The following TPST1 variants were observed in gnomAD, a reference collection of about 807,000 sequenced individuals.
TPST1 encodes tyrosylprotein sulfotransferase 1, also known as protein-tyrosine sulfotransferase 1.
A neutral mutation model predicts 34.8 loss-of-function variants in TPST1; 20 were observed. The observed-to-expected ratio is 0.57, with a 90% CI of 0.40 to 0.84. TPST1 has a LOEUF of 0.84. TPST1 is among the 40% of genes least tolerant of loss of function. TPST1 has a pLI of 0.00. For missense variants in TPST1, 353 were observed against 455.5 expected, an observed-to-expected ratio of 0.78 and a Z score of 2.05; for synonymous variants, 152 against 159.4, an observed-to-expected ratio of 0.95 and a Z score of 0.35.
At chr7:66,337,673 A>G (rs921921943) in intron 3 of TPST1, among the ~76,000 whole-genome samples, 1 of 152,244 alleles carries the variant, frequency 6.6e-6, no homozygotes, top group African/African-American at 2.4e-5. Flanking sequence ...TTTAAGCAAT[A>G]AAAAGATTAA....
intron 3 of TPST1, among the ~76,000 whole-genome samples, chr7:66,303,418 A>ATGTATGTATGTATGTATGT (rs1217502824): frequency 7.5e-5 from 2 of 26,506 alleles, no homozygotes; most frequent in Admixed American, 3.2e-4. Context: ...TGTATGTATT[A>ATGTATGTATGTATGTATGT]ATTTATTTTG....
intron 1 of TPST1, among the ~76,000 whole-genome samples, 191 bp from the exon 2 acceptor site, chr7:66,240,134 G>A (rs567935531): frequency 6.4e-4 from 97 of 152,010 alleles, no homozygotes; most frequent in African/African-American, 2.1e-3. Flanking sequence ...TGATCCGCCC[G>A]CCTCGGCCTC....
Position 66,307,353 on chromosome 7 carries a change from C to T in TPST1, c.1044+20644C>T, listed in dbSNP as rs549832476. ...CAGGATGGTCTCGATCTCTTGACTT[C>T]GTGATCCGCCCGCCTCGGCCTCCCA... On this transcript the variant is annotated intron_variant, in intron 3 of 5. Transcript: ENST00000304842. 2.7e-5 allele frequency among the ~76,000 whole-genome samples: 4 copies of T among 150,842 alleles called. No homozygotes were observed. The South Asian group carries it at 6.3e-4, about 24-fold the overall frequency.
intron 3 of TPST1, among the ~76,000 whole-genome samples, chr7:66,318,592 G>T (rs540729065): frequency 1.3e-5 from 2 of 151,800 alleles, no homozygotes; most frequent in African/African-American, 4.8e-5. Flanking sequence ...TCAGCCTCCC[G>T]AGTAGCTCCT....
At chr7:66,263,791 C>T (rs930995936) in intron 2 of TPST1, among the ~76,000 whole-genome samples, 4 of 152,092 alleles carry the variant, frequency 2.6e-5, no homozygotes, top group Non-Finnish European at 5.9e-5. Flanking sequence ...TCAGCAAAAG[C>T]GGCACAGTAA....
chr7:66,225,336 G>A (rs1584148445), intron 1 of TPST1, among the ~76,000 whole-genome samples: 1 of 152,230 alleles, frequency 6.6e-6, no homozygotes, highest in Middle Eastern at 3.4e-3. Flanking sequence ...AGAGGGCCTG[G>A]CACAGTGGCT....
chr7:66,215,087 T>C lies in TPST1; in HGVS notation c.-102+9565T>C, dbSNP rs540341086. ...TATATGTTTTTTGAGATGGAGTCTCTCTCTGTCACCAGGTTGGAGTGCAGT... is the reference window on the plus strand; with the variant it reads ...TATATGTTTTTTGAGATGGAGTCTCCCTCTGTCACCAGGTTGGAGTGCAGT... On this transcript the variant is annotated intron_variant, in intron 1 of 5. Coordinates refer to ENST00000304842, the MANE Select transcript of TPST1 (RefSeq NM_003596.4). Among the ~76,000 whole-genome samples the C allele has an allele frequency of 6.0e-3, 885 of 148,248 alleles. 10 individuals carry two copies. The highest frequency in any genetic ancestry group is 0.02 in the African/African-American group (826 of 40,820).
Position 66,310,035 on chromosome 7 carries a change from G to C in TPST1, c.1044+23326G>C, listed in dbSNP as rs547119857. On this transcript the variant is annotated intron_variant, in intron 3 of 5. Coordinates refer to ENST00000304842, the MANE Select transcript of TPST1 (RefSeq NM_003596.4). ...AAAACAGGTTATGGGAGGAAGAGAA[G>C]ACCACCTTTGCCTGGCTAGCAAAGG... Among the ~76,000 whole-genome samples the C allele has an allele frequency of 4.6e-5, 7 of 152,278 alleles. No individual in the cohort carries two copies. The East Asian group carries it at 1.4e-3, about 29-fold the overall frequency.
At chr7:66,218,692 A>C (rs1433502674) in intron 1 of TPST1, among the ~76,000 whole-genome samples, 1 of 152,030 alleles carries the variant, frequency 6.6e-6, no homozygotes, top group African/African-American at 2.4e-5. Flanking sequence ...TAAAAATGCA[A>C]AAACGTTAGC....
chr7:66,356,325 G>C (rs915551709), intron 4 of TPST1, among the ~76,000 whole-genome samples: 1 of 152,164 alleles, frequency 6.6e-6, no homozygotes, highest in South Asian at 2.1e-4. Context: ...AGCAGGGCAC[G>C]TCACCCTCCC....
At chr7:66,356,556 T>A (rs1792586684) in intron 4 of TPST1, among the ~76,000 whole-genome samples, 1 of 152,160 alleles carries the variant, frequency 6.6e-6, no homozygotes, top group South Asian at 2.1e-4. Flanking sequence ...TCCTGAATCA[T>A]CTCATAACAT....
chr7:66,317,658 GTTT>G (rs1359310021), intron 3 of TPST1, among the ~76,000 whole-genome samples: 1 of 150,930 alleles, frequency 6.6e-6, no homozygotes, highest in Non-Finnish European at 1.5e-5. Flanking sequence ...TACCTATGTT[GTTT>G]TTCTAGGAAG....
At chr7:66,252,203 G>T (rs1356025602) in intron 2 of TPST1, among the ~76,000 whole-genome samples, 1 of 151,216 alleles carries the variant, frequency 6.6e-6, no homozygotes, top group Admixed American at 6.6e-5. Flanking sequence ...GACTACAGGC[G>T]CCTGCCACCA....
chr7:66,300,508 T>C (rs911167724), intron 3 of TPST1, among the ~76,000 whole-genome samples: 1 of 152,184 alleles, frequency 6.6e-6, no homozygotes, highest in African/African-American at 2.4e-5. Flanking sequence ...AATTTTGACC[T>C]CCTCCCATGA....
intron 2 of TPST1, among the ~76,000 whole-genome samples, chr7:66,251,420 C>T (rs911117982): frequency 1.3e-5 from 2 of 152,128 alleles, no homozygotes; most frequent in Admixed American, 6.5e-5. Flanking sequence ...ATGCACTGTT[C>T]CCCTCCCTCT....
chr7:66,203,486 CTTTTT>C (rs373614847), upstream of TPST1, among the ~76,000 whole-genome samples: 1 of 134,564 alleles, frequency 7.4e-6, no homozygotes. Flanking sequence ...ACAAAAACTT[CTTTTT>C]TTTTTTTTTT....
chr7:66,314,722 A>G (rs535674804), intron 3 of TPST1, among the ~76,000 whole-genome samples: 5 of 152,310 alleles, frequency 3.3e-5, no homozygotes, highest in South Asian at 2.1e-4. Flanking sequence ...GGTTTAGCCT[A>G]TTGTTCTTAG....
intron 3 of TPST1, among the ~76,000 whole-genome samples, chr7:66,307,833 G>A (rs536611569): frequency 3.3e-5 from 5 of 152,336 alleles, no homozygotes; most frequent in African/African-American, 1.2e-4. Context: ...AACAGTGGCT[G>A]ATAAAATAAT....
chr7:66,252,357 CTTT>C (rs1396946200), intron 2 of TPST1, among the ~76,000 whole-genome samples: 2 of 88,364 alleles, frequency 2.3e-5, no homozygotes. Flanking sequence ...CGCGCCCAGC[CTTT>C]TTTTTTTTTT....
Sources: gnomAD v4.1 joint callset for allele counts (sites outside exome capture counted in the v4.1 genomes callset) on GRCh38, gnomAD v4.1.1 for gene constraint, MANE v1.5 for transcripts, NCBI Gene and HGNC (gene_info 2026-07-23, HGNC 2026-07-21) for gene names.